Variants in WDR37 observed in about 807,000 individuals in gnomAD.
The protein encoded by WDR37 is WD repeat domain 37.
A neutral mutation model predicts 62.9 loss-of-function variants in WDR37; 19 were observed. The observed-to-expected ratio is 0.30, with a 90% CI of 0.21 to 0.44. The LOEUF is 0.44. Among genes scored for constraint, WDR37 ranks in the 20% least tolerant of loss-of-function variants. The pLI, the probability that WDR37 is intolerant of heterozygous loss-of-function variation, is 1.00. For synonymous variants in WDR37, 250 were observed against 260.9 expected, an observed-to-expected ratio of 0.96 and a Z score of 0.40; for missense variants, 474 against 657.6, an observed-to-expected ratio of 0.72 and a Z score of 3.05.
At chr10:1,110,571 G>A (rs1391132692) in intron 11 of WDR37, among the ~76,000 whole-genome samples, 1 of 152,200 alleles carries the variant, frequency 6.6e-6, no homozygotes, top group Non-Finnish European at 1.5e-5. Flanking sequence ...TGAGATGTGC[G>A]TCCGCGCCCC....
intron 13 of WDR37, among the ~76,000 whole-genome samples, chr10:1,128,678 A>G (rs889845749): frequency 6.6e-6 from 1 of 152,152 alleles, no homozygotes; most frequent in African/African-American, 2.4e-5. Context: ...TCTGACTGTA[A>G]TCTTACTCAT....
chr10:1,076,422 G>A (rs1280505852), intron 2 of WDR37, among the ~76,000 whole-genome samples: 2 of 152,142 alleles, frequency 1.3e-5, no homozygotes, highest in East Asian at 1.9e-4. Context: ...GCTCATGCCT[G>A]TAATCCTAGA....
chr10:1,093,613 T>C (rs1834472225), intron 8 of WDR37, 117 bp downstream of exon 8: 1 of 866,326 alleles, frequency 1.2e-6, no homozygotes, highest in African/African-American at 1.7e-5. Context: ...TAATCTTTAG[T>C]AGACATTTTA....
intron 13 of WDR37, among the ~76,000 whole-genome samples, chr10:1,127,788 C>T (rs1835845563): frequency 6.6e-6 from 1 of 151,952 alleles, no homozygotes; most frequent in South Asian, 2.1e-4. Flanking sequence ...CGTCCTGGAG[C>T]ACATCACGTG....
intron 10 of WDR37, among the ~76,000 whole-genome samples, chr10:1,104,590 TG>T (rs1421257761): frequency 3.3e-5 from 5 of 152,202 alleles, no homozygotes; most frequent in African/African-American, 7.2e-5. Context: ...TGCCTTATAA[TG>T]TATCATAATT....
At chr10:1,124,107 G>C in intron 11 of WDR37, 111 bp from the exon 12 acceptor site, 7 of 1,463,172 alleles carry the variant, frequency 4.8e-6, no homozygotes, top group Non-Finnish European at 6.5e-6. Flanking sequence ...AGAGCTGTGA[G>C]TTTGCGCTTC....
Position 1,128,654 on chromosome 10 carries a change from C to T in WDR37, c.1354-559C>T, listed in dbSNP as rs542204563. Among the ~76,000 whole-genome samples the T allele has an allele frequency of 3.9e-5, 6 of 152,306 alleles. 1 individual carries two copies. In the South Asian group the frequency reaches 1.2e-3, roughly 32 times the overall value. On this transcript the variant is annotated intron_variant, in intron 13 of 13. Coordinates refer to ENST00000263150, the MANE Select transcript of WDR37 (RefSeq NM_014023.4). ...ATTTATTCAAAAATTTCACATTGAT[C>T]ATTTATTTTTTTGTCTGACTGTAAT...
rs536368157 is a variant in WDR37, at chr10:1,092,480, C to G, written c.605-972C>G. ...TGCCCCCCTGGGTTCATGCCATTCTCCTGCCTCAGCCTCCCAAGTAGCTGG... is the reference window on the plus strand; with the variant it reads ...TGCCCCCCTGGGTTCATGCCATTCTGCTGCCTCAGCCTCCCAAGTAGCTGG... On this transcript the variant is annotated intron_variant, in intron 7 of 13. Coordinates refer to ENST00000263150, the MANE Select transcript of WDR37 (RefSeq NM_014023.4). Among the ~76,000 whole-genome samples, 887 of 151,834 alleles carry G rather than the reference C, an allele frequency of 5.8e-3. 12 individuals are homozygous for G. Among genetic ancestry groups the G allele is most frequent in the African/African-American group, 0.02 (839 of 41,488 alleles).
chr10:1,109,351 G>C (rs1447017222), intron 11 of WDR37, among the ~76,000 whole-genome samples: 1 of 152,240 alleles, frequency 6.6e-6, no homozygotes, highest in Admixed American at 6.5e-5. Context: ...GCAAGTGCAT[G>C]TTTTCGCTTC....
intron 9 of WDR37, among the ~76,000 whole-genome samples, chr10:1,097,890 C>T (rs1485345250): frequency 6.6e-6 from 1 of 152,142 alleles, no homozygotes; most frequent in African/African-American, 2.4e-5. Flanking sequence ...TGGTTTACGG[C>T]TGGAGGGGAG....
At chr10:1,069,385 A>ATTTTTTTTTTTTTTTT (rs1564496938) in intron 1 of WDR37, among the ~76,000 whole-genome samples, 10 of 28,464 alleles carry the variant, frequency 3.5e-4, no homozygotes, top group Non-Finnish European at 5.5e-4. Context: ...ATATATATAT[A>ATTTTTTTTTTTTTTTT]TATATTTTTT....
At chr10:1,082,151 T>G (rs1834046867) in intron 5 of WDR37, among the ~76,000 whole-genome samples, 1 of 152,222 alleles carries the variant, frequency 6.6e-6, no homozygotes, top group South Asian at 2.1e-4. Context: ...GGTAACAGAA[T>G]ATATTCTGAT....
At chr10:1,107,751 AAC>A (rs1388202968) in intron 11 of WDR37, among the ~76,000 whole-genome samples, 5 of 151,162 alleles carry the variant, frequency 3.3e-5, no homozygotes, top group Middle Eastern at 3.5e-3. Context: ...CACTGTCTGT[AAC>A]ACACAACACG....
intron 7 of WDR37, 35 bp from the exon 8 acceptor site, chr10:1,093,416 CT>C: frequency 1.9e-6 from 3 of 1,557,660 alleles, no homozygotes; most frequent in Non-Finnish European, 1.8e-6. Flanking sequence ...GTTTTTGTCA[CT>C]TTAAACCTGT....
In WDR37 at chr10:1,105,816, C is replaced by T. The variant is rs545919678; in HGVS notation, c.1103+549C>T. On this transcript the variant is annotated intron_variant, in intron 11 of 13. Transcript: ENST00000263150. This position sits in a 1 kb window ranked among gnomAD's most constrained non-coding sequence, Gnocchi z 5.3. ...GTCTTTTTTTTCTGAGACGGAGTCTCGCTCTGTCGCCCAGGCTGGAGTGCA... is the reference window on the plus strand; with the variant it reads ...GTCTTTTTTTTCTGAGACGGAGTCTTGCTCTGTCGCCCAGGCTGGAGTGCA... 9.1e-4 allele frequency among the ~76,000 whole-genome samples: 139 copies of T among 152,142 alleles called. No individual in the cohort carries two copies. The highest frequency in any genetic ancestry group is 2.7e-3 in the African/African-American group (112 of 41,500).
At chr10:1,080,641 C>CA (rs1419216647) in intron 5 of WDR37, among the ~76,000 whole-genome samples, 165 bp downstream of exon 5, 1 of 152,148 alleles carries the variant, frequency 6.6e-6, no homozygotes, top group Non-Finnish European at 1.5e-5. Context: ...CATGGTGGCT[C>CA]ATGCTTGTAA....
intron 1 of WDR37, among the ~76,000 whole-genome samples, chr10:1,071,021 C>T (rs1036794168): frequency 2.0e-5 from 3 of 152,190 alleles, no homozygotes; most frequent in Admixed American, 6.5e-5. Context: ...GAGGCTCAGG[C>T]TATTGCTGTT....
At chr10:1,084,372 T>C in intron 5 of WDR37, 31 bp from the exon 6 acceptor site, 5 of 1,592,922 alleles carry the variant, frequency 3.1e-6, no homozygotes, top group Non-Finnish European at 3.4e-6. Context: ...TTCAGTAAAT[T>C]GTTTCACAAG....
rs141869452 is a variant in WDR37, at chr10:1,084,463, A to C, written c.457A>C (p.Ile153Leu). Residue 153 changes from isoleucine to leucine, a missense_variant, in exon 6 of 14, where the codon ATC becomes CTC. Transcript: ENST00000263150. ...TGCCTGCCAGCTCGTGAAGGAGTAC[A>C]TCGGCCACCGGGACGGCATCTGGGA... ...RAACQLVKEYIGHRDGIWDVS... is the reference protein window; with the variant it reads ...RAACQLVKEYLGHRDGIWDVS... 1.2e-6 allele frequency: 2 copies of C among 1,614,056 alleles called. No individual in the cohort carries two copies. The highest frequency in any genetic ancestry group is 1.7e-6 in the Non-Finnish European group (2 of 1,180,042).
Sources: allele counts gnomAD v4.1 joint callset (sites outside exome capture counted in the v4.1 genomes callset), GRCh38; gene constraint gnomAD v4.1.1; non-coding constraint Gnocchi (gnomAD v3.1); transcripts MANE v1.5; gene names NCBI Gene and HGNC (gene_info 2026-07-23, HGNC 2026-07-21).